PTPRD: variants seen among roughly 807,000 people sequenced by gnomAD.
PTPRD encodes the protein receptor-type tyrosine-protein phosphatase delta.
PTPRD carries 34 observed loss-of-function variants against 214.5 expected under a neutral mutation model. The ratio of observed to expected loss-of-function variants is 0.16; its 90% CI spans 0.12 to 0.21. PTPRD has a LOEUF of 0.21. Ranked by LOEUF, PTPRD falls within the 10% of genes least tolerant of loss-of-function variation. The probability of loss-of-function intolerance (pLI) is 1.00; values close to 1 mark genes in which losing one functional copy is unlikely to be tolerated. For missense variants in PTPRD, 2,545 were observed against 2,398.7 expected (o/e 1.06, Z -1.27); for synonymous variants, 1,128 against 845.7 (o/e 1.33, Z -5.79).
chr9:8,932,045 TTC>T (rs1334476919), intron 11 of PTPRD, among the ~76,000 whole-genome samples: 2 of 152,234 alleles, frequency 1.3e-5, no homozygotes, highest in East Asian at 3.9e-4. Context: ...CATTTGATTC[TTC>T]TCTCTTTTCT....
chr9:8,336,629 A>AG (rs1491159311), intron 43 of PTPRD, among the ~76,000 whole-genome samples: 2 of 15,998 alleles, frequency 1.3e-4, no homozygotes, highest in African/African-American at 4.0e-4. Flanking sequence ...TCTGCAGAGC[A>AG]AAAAAAAAAA....
chr9:8,773,094 T>C (rs73425033), intron 11 of PTPRD, among the ~76,000 whole-genome samples: 7,270 of 152,194 alleles, frequency 0.048, 444 homozygotes, highest in African/African-American at 0.14. Flanking sequence ...TCCTCTCTGG[T>C]GGGAGCAGGC....
chr9:9,984,563 G>A (rs1054436343), intron 4 of PTPRD, among the ~76,000 whole-genome samples: 33 of 152,214 alleles, frequency 2.2e-4, no homozygotes, highest in African/African-American at 7.5e-4. Flanking sequence ...GGTACACAGA[G>A]TGACTTTGGG....
rs2098663850 is a variant in PTPRD, at chr9:8,731,939, G to C, written c.64+1841C>G. Among the ~76,000 whole-genome samples the C allele has an allele frequency of 2.6e-5, 4 of 152,170 alleles. No individual in the cohort carries two copies. In the South Asian group the frequency reaches 8.3e-4, roughly 31 times the overall value. Reference sequence around the variant, plus strand: ...GCTATAATGGGAGGAGTGAGAGGGAGTAGATTCTTTTTCAAGGGACATCTT... The same window carrying C: ...GCTATAATGGGAGGAGTGAGAGGGACTAGATTCTTTTTCAAGGGACATCTT... On this transcript the variant is annotated intron_variant, in intron 12 of 45. Coordinates refer to ENST00000381196, the MANE Select transcript of PTPRD (RefSeq NM_002839.4).
chr9:8,437,322 T>C, intron 34 of PTPRD: 2 of 1,144,166 alleles, frequency 1.7e-6, no homozygotes, highest in Non-Finnish European at 2.4e-6. Flanking sequence ...TGATATATTT[T>C]TTAAAAGGAC....
At chr9:10,119,715 A>C (rs948015753) in intron 3 of PTPRD, among the ~76,000 whole-genome samples, 15 of 152,054 alleles carry the variant, frequency 9.9e-5, no homozygotes, top group African/African-American at 3.4e-4. Flanking sequence ...TGTGTTCCAC[A>C]GCAAGAAGGG....
intron 9 of PTPRD, among the ~76,000 whole-genome samples, chr9:9,313,622 G>A (rs1487823270): frequency 6.6e-6 from 1 of 152,124 alleles, no homozygotes; most frequent in Non-Finnish European, 1.5e-5. Context: ...AAGGGGAGGA[G>A]GGGTGGATGC....
At chr9:9,200,081 T>G (rs886066365) in intron 9 of PTPRD, among the ~76,000 whole-genome samples, 4 of 152,224 alleles carry the variant, frequency 2.6e-5, no homozygotes, top group Non-Finnish European at 5.9e-5. Context: ...AAGGCTAATG[T>G]TGACTCCCAC....
intron 9 of PTPRD, among the ~76,000 whole-genome samples, chr9:9,339,392 A>G (rs957667934): frequency 4.6e-5 from 7 of 151,986 alleles, no homozygotes; most frequent in South Asian, 4.2e-4. Context: ...AGGCTGAGGC[A>G]GGAGAATGGT....
At chr9:8,584,659 A>G (rs1222051199) in intron 14 of PTPRD, among the ~76,000 whole-genome samples, 1 of 152,170 alleles carries the variant, frequency 6.6e-6, no homozygotes, top group Non-Finnish European at 1.5e-5. Context: ...TAAGAAATCT[A>G]CCCCAGCATT....
intron 7 of PTPRD, among the ~76,000 whole-genome samples, chr9:9,634,708 CATG>C (rs1296128887): frequency 9.2e-5 from 14 of 152,118 alleles, no homozygotes; most frequent in Non-Finnish European, 1.9e-4. Context: ...GCTCAAAAAT[CATG>C]ATATCTTATT....
chr9:8,695,362 A>G (rs2097889821), intron 12 of PTPRD, among the ~76,000 whole-genome samples: 1 of 152,116 alleles, frequency 6.6e-6, no homozygotes, highest in Non-Finnish European at 1.5e-5. Context: ...TCAACCAGTA[A>G]GATTTGCCAC....
At chr9:9,335,348 A>G (rs1311587215) in intron 9 of PTPRD, among the ~76,000 whole-genome samples, 3 of 152,082 alleles carry the variant, frequency 2.0e-5, no homozygotes, top group East Asian at 3.8e-4. Flanking sequence ...TGAGAACACT[A>G]GATTTAGAGT....
intron 5 of PTPRD, among the ~76,000 whole-genome samples, chr9:9,780,736 A>G (rs2098836646): frequency 6.6e-6 from 1 of 152,254 alleles, no homozygotes; most frequent in South Asian, 2.1e-4. Context: ...GTGCATTAAT[A>G]TTTAGAGCAG....
intron 13 of PTPRD, among the ~76,000 whole-genome samples, chr9:8,636,230 T>C (rs1209624529): frequency 2.6e-5 from 4 of 152,306 alleles, no homozygotes; most frequent in Non-Finnish European, 4.4e-5. Context: ...AGCCATGCAA[T>C]TGGATGGGAC....
chr9:8,320,151 G>C (rs886444549), intron 44 of PTPRD, among the ~76,000 whole-genome samples, 185 bp from the exon 45 acceptor site: 5 of 152,072 alleles, frequency 3.3e-5, no homozygotes, highest in African/African-American at 9.7e-5. Context: ...AACAGCATGT[G>C]ATAATGAGGA....
intron 3 of PTPRD, among the ~76,000 whole-genome samples, chr9:10,305,497 G>T (rs776421289): frequency 6.6e-6 from 1 of 151,920 alleles, no homozygotes; most frequent in Non-Finnish European, 1.5e-5. Context: ...TACAGAATGG[G>T]AGAAAATTTT....
chr9:10,539,090 T>G, intron 2 of PTPRD, among the ~76,000 whole-genome samples: 1 of 152,168 alleles, frequency 6.6e-6, no homozygotes, highest in South Asian at 2.1e-4. Context: ...TACCCCTTTC[T>G]CTCCATCCTG....
chr9:9,599,844 C>T (rs2093624347), intron 7 of PTPRD, among the ~76,000 whole-genome samples: 1 of 151,622 alleles, frequency 6.6e-6, no homozygotes, highest in South Asian at 2.1e-4. Flanking sequence ...AGTTATTAGT[C>T]AAATAAAGAA....
Sources: gnomAD v4.1 joint callset for allele counts (sites outside exome capture counted in the v4.1 genomes callset) on GRCh38, gnomAD v4.1.1 for gene constraint, MANE v1.5 for transcripts, NCBI Gene and HGNC (gene_info 2026-07-23, HGNC 2026-07-21) for gene names.